BARX1: variants seen among roughly 807,000 people sequenced by gnomAD.
The protein encoded by BARX1 is BARX homeobox 1.
Under a neutral mutation model 19.6 loss-of-function variants are expected in BARX1, and 10 were observed. The ratio of observed to expected loss-of-function variants is 0.51; its 90% CI spans 0.31 to 0.86. The LOEUF (loss-of-function observed/expected upper bound fraction) is 0.86. Ranked by LOEUF, BARX1 falls within the 40% of genes least tolerant of loss-of-function variation. BARX1 has a pLI of 0.04. For synonymous variants in BARX1, 177 were observed against 170.0 expected, an observed-to-expected ratio of 1.04 and a Z score of -0.32; for missense variants, 309 against 360.4, an observed-to-expected ratio of 0.86 and a Z score of 1.15.
chr9:93,953,258 A>G (rs963836720), intron 1 of BARX1, 71 bp from the exon 2 acceptor site: 17 of 1,418,334 alleles, frequency 1.2e-5, no homozygotes, highest in Middle Eastern at 2.6e-4. Flanking sequence ...CTGCCGCACC[A>G]CGTGCCGCGG....
At chr9:93,952,606 C>A in intron 3 of BARX1, 123 bp downstream of exon 3, 1 of 1,172,894 alleles carries the variant, frequency 8.5e-7, no homozygotes. Flanking sequence ...CGGTGCGTAC[C>A]AGGCACCGAG....
At chr9:93,953,346 G>T (rs1401070418) in intron 1 of BARX1, 159 bp from the exon 2 acceptor site, 5 of 803,588 alleles carry the variant, frequency 6.2e-6, no homozygotes, top group Non-Finnish European at 9.3e-6. Flanking sequence ...CGCAGATGGA[G>T]ACCCTCCTCA....
chr9:93,953,518 G>T, intron 1 of BARX1: 11 of 339,756 alleles, frequency 3.2e-5, no homozygotes, highest in Non-Finnish European at 3.7e-5. Context: ...TTCGGGGAAA[G>T]TAGAAACCAA....
At chr9:93,954,862 C>A in intron 1 of BARX1, 62 bp downstream of exon 1, 2 of 1,177,390 alleles carry the variant, frequency 1.7e-6, no homozygotes, top group Non-Finnish European at 2.2e-6. Context: ...GGGGCGCCCC[C>A]GCGGTTCAGC....
At position 93,952,475 on chromosome 9, in the gene BARX1, C is replaced by T. The variant is rs1829114041; in HGVS notation, c.601-147G>A. 8.5e-6 allele frequency: 11 copies of T among 1,295,058 alleles called. 1 individual carries two copies. The Middle Eastern group carries it at 1.6e-3, about 191-fold the overall frequency. The allele number at this position is 1,295,058 out of a possible 1,614,324, so 80.2% of individuals were successfully genotyped here. ...TCCCGGGAAATGGCGGCCATTTGTC[C>T]AAATGCCGCCTGGGGAGCGGCCCGG... On this transcript the variant is annotated intron_variant, in intron 3 of 3. Transcript: ENST00000253968.
At chr9:93,953,471 G>A (rs1463622046) in intron 1 of BARX1, 1 of 436,048 alleles carries the variant, frequency 2.3e-6, no homozygotes, top group Non-Finnish European at 4.0e-6. Context: ...TGATGAACAT[G>A]TTTGCAGCTG....
intron 1 of BARX1, 178 bp from the exon 2 acceptor site, chr9:93,953,365 G>A (rs2118183574): frequency 1.4e-6 from 1 of 691,214 alleles, no homozygotes; most frequent in South Asian, 2.3e-5. Flanking sequence ...CAACGTTGCC[G>A]TTCCCCAGAT....
intron 1 of BARX1, 44 bp downstream of exon 1, chr9:93,954,880 C>T: frequency 1.6e-6 from 2 of 1,259,718 alleles, no homozygotes; most frequent in East Asian, 3.2e-5. Flanking sequence ...AGCTCGCTGT[C>T]TCCCGCCAAG....
At chr9:93,954,851 C>A in intron 1 of BARX1, 73 bp downstream of exon 1, 1 of 1,108,710 alleles carries the variant, frequency 9.0e-7, no homozygotes, top group Non-Finnish European at 1.2e-6. Context: ...GGAGGAGGCT[C>A]GGGGCGCCCC....
chr9:93,952,455 G>A (rs1271722257), intron 3 of BARX1, 127 bp from the exon 4 acceptor site: 9 of 1,361,938 alleles, frequency 6.6e-6, no homozygotes, highest in Non-Finnish European at 8.8e-6. Context: ...AAATGTCCCG[G>A]GAAATGGCGG....
At position 93,954,904 on chromosome 9, in the gene BARX1, C is replaced by A; in HGVS notation, c.223+20G>T. 7.7e-7 allele frequency: 1 copy of A among 1,296,464 alleles called. No homozygotes were observed. The highest frequency in any genetic ancestry group is 9.7e-7 in the Non-Finnish European group (1 of 1,029,174). The allele number at this position is 1,296,464 out of a possible 1,614,324, so 80.3% of individuals were successfully genotyped here. On this transcript the variant is annotated intron_variant, in intron 1 of 3. Transcript: ENST00000253968. ...TCTCCCGCCAAGCCCGGCCCGCGAC[C>A]CCGCGGCCGCCACACGTACCCAGGT... is the stretch of plus-strand genomic sequence containing the variant.
At chr9:93,954,856 C>T (rs893198889) in intron 1 of BARX1, 68 bp downstream of exon 1, 22 of 1,131,398 alleles carry the variant, frequency 1.9e-5, no homozygotes, top group African/African-American at 9.8e-5. Context: ...AGGCTCGGGG[C>T]GCCCCCGCGG....
At chr9:93,954,752 T>G (rs911531077) in intron 1 of BARX1, among the ~76,000 whole-genome samples, 172 bp downstream of exon 1, 2 of 152,018 alleles carry the variant, frequency 1.3e-5, no homozygotes, top group African/African-American at 4.8e-5. Context: ...GCCTGGAGCT[T>G]GCACCCTCCG....
intron 1 of BARX1, 83 bp from the exon 2 acceptor site, chr9:93,953,270 G>T (rs1829124102): frequency 1.4e-6 from 2 of 1,403,842 alleles, no homozygotes; most frequent in South Asian, 3.0e-5. Context: ...GTGCCGCGGG[G>T]GTGCTCGCGC....
intron 1 of BARX1, chr9:93,953,558 T>C (rs955551519): frequency 1.8e-5 from 5 of 284,624 alleles, no homozygotes; most frequent in Non-Finnish European, 2.6e-5. Flanking sequence ...CCTAAGAAGA[T>C]GGCGTTTGCT....
chr9:93,954,912 C>G lies in BARX1; in HGVS notation c.223+12G>C. 1 of 1,306,698 alleles carries G rather than the reference C, an allele frequency of 7.7e-7. No individual in the cohort carries two copies. The highest frequency in any genetic ancestry group is 1.6e-5 in the African/African-American group (1 of 64,370). 80.9% of individuals were successfully genotyped at this position (1,306,698 alleles called of 1,614,324 possible). ...CAAGCCCGGCCCGCGACCCCGCGGC[C>G]GCCACACGTACCCAGGTGGCTGTGG... is the stretch of plus-strand genomic sequence containing the variant. On this transcript the variant is annotated intron_variant, in intron 1 of 3. Transcript: ENST00000253968.
rs1829120644 is a variant in BARX1, at chr9:93,953,054, G to A, written c.357C>T (p.Leu119=). The A allele has an allele frequency of 6.4e-7, 1 of 1,564,620 alleles. No individual in the cohort carries two copies. The highest frequency in any genetic ancestry group is 8.7e-7 in the Non-Finnish European group (1 of 1,155,508). The change falls in exon 2 of 4, where the codon CTC becomes CTT. Residue 119 remains leucine (L), a synonymous_variant. Transcript: ENST00000253968. The part of the protein sequence containing the change: ...PGAAGAPHLP[L]ELQLRGKLEA... ...CCAGCTTCCCGCGGAGCTGCAACTC[G>A]AGCGGCAGGTGTGGCGCACCCGCGG...
rs746558122 is a variant in BARX1 at position 93,952,254 on chromosome 9, G to T, written c.675C>A (p.Ser225Arg). The T allele has an allele frequency of 6.2e-6, 10 of 1,612,482 alleles. No homozygotes were observed. Among genetic ancestry groups the T allele is most frequent in the Non-Finnish European group, 8.5e-6 (10 of 1,179,926 alleles). Reference protein sequence around the residue: ...GRPKKNSIPTSEQLTEQERAK... With the variant: ...GRPKKNSIPTREQLTEQERAK... ...CGCGCTCCTGCTCAGTAAGCTGCTC[G>T]CTCGTTGGAATTGAGTTCTTCTTGG... is the stretch of plus-strand genomic sequence containing the variant. Residue 225 changes from serine (S) to arginine (R), a missense_variant, in exon 4 of 4, where the codon AGC (serine) becomes AGA (arginine). Ser to Arg is a moderately radical substitution (Grantham distance 110). Transcript: ENST00000253968.
rs776661728 is a variant in BARX1 at position 93,952,892 on chromosome 9, C to T, written c.515+4G>A. 6.2e-7 allele frequency: 1 copy of T among 1,606,098 alleles called. No homozygotes were observed. The highest frequency in any genetic ancestry group is 1.1e-5 in the South Asian group (1 of 90,088). Reference sequence around the variant, plus strand: ...CCGCTGGCCCCAGCCTTGTACCGCCCTACCTGTCCGGCGTGGAAAGGTACT... The same window carrying T: ...CCGCTGGCCCCAGCCTTGTACCGCCTTACCTGTCCGGCGTGGAAAGGTACT... On this transcript the variant is annotated splice_donor_region_variant and intron_variant, in intron 2 of 3. Transcript: ENST00000253968.
Sources: gnomAD v4.1 joint callset for allele counts (sites outside exome capture counted in the v4.1 genomes callset) on GRCh38, gnomAD v4.1.1 for gene constraint, MANE v1.5 for transcripts, NCBI Gene and HGNC (gene_info 2026-07-23, HGNC 2026-07-21) for gene names.